Variants in DENND1A observed in about 807,000 individuals in gnomAD.
DENND1A encodes the protein DENN domain containing 1A.
DENND1A carries 51 observed loss-of-function variants against 113.7 expected under a neutral mutation model. The ratio of observed to expected loss-of-function variants is 0.45; its 90% CI spans 0.36 to 0.57. The LOEUF (loss-of-function observed/expected upper bound fraction) is 0.57. DENND1A is among the 20% of genes least tolerant of loss of function. DENND1A has a pLI of 0.00. For missense variants in DENND1A, 1,258 were observed against 1,395.9 expected, an observed-to-expected ratio of 0.90 and a Z score of 1.57; for synonymous variants, 565 against 570.8, an observed-to-expected ratio of 0.99 and a Z score of 0.14.
intron 11 of DENND1A, among the ~76,000 whole-genome samples, chr9:123,584,908 C>G (rs2059089136): frequency 6.6e-6 from 1 of 152,188 alleles, no homozygotes; most frequent in Non-Finnish European, 1.5e-5. Flanking sequence ...TGTGGCTCAC[C>G]ACTGCAAAAC....
intron 13 of DENND1A, among the ~76,000 whole-genome samples, chr9:123,493,877 CTCTT>C (rs2051616257): frequency 6.6e-6 from 1 of 152,170 alleles, no homozygotes; most frequent in South Asian, 2.1e-4. Context: ...GCTTCTGGCT[CTCTT>C]TCCTGAGAGC....
intron 13 of DENND1A, among the ~76,000 whole-genome samples, chr9:123,528,526 C>T (rs1003261123): frequency 3.3e-5 from 5 of 152,182 alleles, no homozygotes; most frequent in African/African-American, 1.2e-4. Context: ...CATTTTTTGA[C>T]TGACTGATTC....
chr9:123,656,144 C>G (rs1390194617), intron 8 of DENND1A, among the ~76,000 whole-genome samples: 2 of 152,122 alleles, frequency 1.3e-5, no homozygotes, highest in East Asian at 3.8e-4. Context: ...GGCCTCCAAA[C>G]AGGGGTTCAC....
intron 19 of DENND1A, among the ~76,000 whole-genome samples, chr9:123,421,468 C>G (rs953334232): frequency 6.6e-6 from 1 of 152,156 alleles, no homozygotes; most frequent in African/African-American, 2.4e-5. Flanking sequence ...CCGCTCCTCT[C>G]TCTCCCCAGA....
intron 5 of DENND1A, among the ~76,000 whole-genome samples, chr9:123,723,293 T>C (rs556197311): frequency 6.6e-6 from 1 of 152,372 alleles, no homozygotes; most frequent in Admixed American, 6.5e-5. Flanking sequence ...GCTTTTGATT[T>C]TACAGGTTCA....
intron 2 of DENND1A, among the ~76,000 whole-genome samples, chr9:123,829,468 C>T (rs1054688047): frequency 4.0e-5 from 6 of 151,840 alleles, no homozygotes; most frequent in Non-Finnish European, 7.4e-5. Flanking sequence ...ACAACAACAA[C>T]AAACCACAAC....
chr9:123,840,647 C>T (rs1320880546), intron 2 of DENND1A, among the ~76,000 whole-genome samples: 1 of 152,152 alleles, frequency 6.6e-6, no homozygotes, highest in African/African-American at 2.4e-5. Flanking sequence ...AGTGCCGGTA[C>T]AAAAATAGTA....
At chr9:123,663,020 T>C (rs1214997249) in intron 8 of DENND1A, among the ~76,000 whole-genome samples, 3 of 152,204 alleles carry the variant, frequency 2.0e-5, no homozygotes, top group Non-Finnish European at 1.5e-5. Context: ...GAAACACAGC[T>C]GCTAAAAACT....
intron 9 of DENND1A, among the ~76,000 whole-genome samples, chr9:123,630,853 A>C (rs1382483305): frequency 6.6e-6 from 1 of 152,230 alleles, no homozygotes; most frequent in Non-Finnish European, 1.5e-5. Flanking sequence ...TTAAAAGTGA[A>C]CATTATTTGA....
chr9:123,556,955 A>T lies in DENND1A; in HGVS notation c.993+615T>A, dbSNP rs1161599183. Among the ~76,000 whole-genome samples the T allele has an allele frequency of 2.6e-5, 4 of 152,340 alleles. No individual in the cohort carries two copies. The East Asian group carries it at 7.7e-4, about 29-fold the overall frequency. ...TTCCTGAGGCAGGCAGGGGACATAG[A>T]TAAGTCAACGAGGCCCAGAAAGGGG... On this transcript the variant is annotated intron_variant, in intron 13 of 23. Coordinates refer to ENST00000394215, the MANE Select transcript of DENND1A (RefSeq NM_001352964.2).
At chr9:123,514,065 G>GGGGTGTGTGTGT (rs1448636263) in intron 13 of DENND1A, among the ~76,000 whole-genome samples, 2 of 109,182 alleles carry the variant, frequency 1.8e-5, no homozygotes, top group Non-Finnish European at 4.3e-5. Context: ...TCTATTTTGA[G>GGGGTGTGTGTGT]GTGTGTGTGT....
chr9:123,382,314 C>T lies in DENND1A; in HGVS notation c.2331G>A (p.Pro777=), dbSNP rs373221297. ...GGAGCTTGGCCGGGCGGGGAATGGGCGGTGGAGGCACGATGCCCAGCTCTG... is the reference window on the plus strand; with the variant it reads ...GGAGCTTGGCCGGGCGGGGAATGGGTGGTGGAGGCACGATGCCCAGCTCTG... ...KTPELGIVPP[P]PIPRPAKLQA... is the part of the protein sequence containing the mutation. The change falls in exon 24 of 24, where the codon CCG becomes CCA. Residue 777 remains proline (P), a synonymous_variant. Transcript: ENST00000394215. 50 of 1,609,998 alleles carry T rather than the reference C, an allele frequency of 3.1e-5. No homozygotes were observed. The highest frequency in any genetic ancestry group is 3.8e-5 in the Non-Finnish European group (45 of 1,179,008).
intron 10 of DENND1A, among the ~76,000 whole-genome samples, chr9:123,611,847 A>G (rs1432482383): frequency 6.6e-6 from 1 of 152,230 alleles, no homozygotes; most frequent in Non-Finnish European, 1.5e-5. Flanking sequence ...ATAAAAATCA[A>G]TGATACCCTG....
At chr9:123,751,225 G>A (rs117864979) in intron 5 of DENND1A, 3 of 152,176 alleles carry the variant, frequency 2.0e-5, no homozygotes, top group Non-Finnish European at 2.9e-5. Context: ...TCTGTGTTTC[G>A]AGTGAAAATG....
At chr9:123,820,757 A>C (rs557473616) in intron 2 of DENND1A, among the ~76,000 whole-genome samples, 2 of 152,160 alleles carry the variant, frequency 1.3e-5, no homozygotes, top group Non-Finnish European at 2.9e-5. Flanking sequence ...GTTTTAATTT[A>C]TGTCATTTTT....
intron 21 of DENND1A, among the ~76,000 whole-genome samples, chr9:123,388,846 C>G (rs544883608): frequency 6.6e-6 from 1 of 152,208 alleles, no homozygotes; most frequent in Non-Finnish European, 1.5e-5. Context: ...TCTCTGTGCA[C>G]CCCACCAAGA....
At chr9:123,503,916 G>T (rs2052700339) in intron 13 of DENND1A, among the ~76,000 whole-genome samples, 1 of 152,180 alleles carries the variant, frequency 6.6e-6, no homozygotes, top group Non-Finnish European at 1.5e-5. Context: ...TTCCCTGTGT[G>T]CTTCTGACAG....
At chr9:123,776,398 T>C (rs1262509234) in intron 3 of DENND1A, among the ~76,000 whole-genome samples, 1 of 152,232 alleles carries the variant, frequency 6.6e-6, no homozygotes, top group Non-Finnish European at 1.5e-5. Context: ...AGAAAAGTGA[T>C]ATACTGAGTT....
chr9:123,589,912 G>A (rs531659558), intron 11 of DENND1A, among the ~76,000 whole-genome samples: 16 of 152,292 alleles, frequency 1.1e-4, no homozygotes, highest in Admixed American at 3.3e-4. Context: ...GCTTGTCCCC[G>A]ACCAGGGGGC....
Sources: gnomAD v4.1 joint callset for allele counts (sites outside exome capture counted in the v4.1 genomes callset) on GRCh38, gnomAD v4.1.1 for gene constraint, MANE v1.5 for transcripts, NCBI Gene and HGNC (gene_info 2026-07-23, HGNC 2026-07-21) for gene names.